YEATS2: variants seen among roughly 807,000 people sequenced by gnomAD.
YEATS2 encodes YEATS domain containing 2.
Under a neutral mutation model 163.2 loss-of-function variants are expected in YEATS2, and 77 were observed. The ratio of observed to expected loss-of-function variants is 0.47; its 90% CI spans 0.39 to 0.57. YEATS2 has a LOEUF of 0.57. Among genes scored for constraint, YEATS2 ranks in the 20% least tolerant of loss-of-function variants. The pLI, the probability that YEATS2 is intolerant of heterozygous loss-of-function variation, is 0.00. For synonymous variants in YEATS2, 631 were observed against 645.1 expected (o/e 0.98, Z 0.33); for missense variants, 1,549 against 1,729.8 (o/e 0.90, Z 1.85).
intron 11 of YEATS2, among the ~76,000 whole-genome samples, chr3:183,755,549 G>GT (rs758631276): frequency 1.3e-5 from 2 of 152,142 alleles, no homozygotes; most frequent in Non-Finnish European, 2.9e-5. Flanking sequence ...ATAAAAGACA[G>GT]TAGAGGATGT....
chr3:183,718,505 G>C lies in YEATS2; in HGVS notation c.204G>C (p.Leu68=). Residue 68 remains leucine (L), a synonymous_variant, in exon 4 of 31, where the codon CTG becomes CTC. Transcript: ENST00000305135. The part of the protein sequence containing the change: ...EHEIEVIDQR[L]IEARRMMDKL... The stretch of plus-strand genomic sequence containing the variant: ...GAGTTAACATTTGTTTTTAGCGACT[G>C]ATTGAAGCAAGAAGGATGATGGATA... 6.2e-7 allele frequency: 1 copy of C among 1,610,982 alleles called. No individual in the cohort carries two copies.
intron 6 of YEATS2, among the ~76,000 whole-genome samples, chr3:183,726,370 G>C (rs1717100038): frequency 6.6e-6 from 1 of 152,154 alleles, no homozygotes; most frequent in Non-Finnish European, 1.5e-5. Context: ...TGTAACAAAA[G>C]GTTGCTGAGC....
chr3:183,751,077 T>C (rs1403588595), intron 9 of YEATS2, among the ~76,000 whole-genome samples: 1 of 152,210 alleles, frequency 6.6e-6, no homozygotes, highest in East Asian at 1.9e-4. Flanking sequence ...GTTTTATTGT[T>C]TTAGCTTTTA....
Position 183,755,741 on chromosome 3 carries a change from CTTTT to C in YEATS2, c.1391-761_1391-758del, listed in dbSNP as rs57050296. Among the ~76,000 whole-genome samples the C allele has an allele frequency of 1.2e-3, 96 of 82,182 alleles. 2 individuals are homozygous for C. Among genetic ancestry groups the C allele is most frequent in the African/African-American group, 3.3e-3 (55 of 16,546 alleles). 53.9% of individuals were successfully genotyped at this position (82,182 alleles called of 152,430 possible). ...ACTTACTGATTTTCTTCCTTCCTTT[CTTTT>C]TTTTTTTTTTTTTTTTTTTTTTTTT... On this transcript the variant is annotated intron_variant, in intron 11 of 30. Transcript: ENST00000305135.
chr3:183,725,041 CTTTTTTTTTTTTTT>C (rs62826962), intron 6 of YEATS2, among the ~76,000 whole-genome samples: 3 of 87,504 alleles, frequency 3.4e-5, no homozygotes, highest in African/African-American at 1.3e-4. Context: ...CCGTGCCGGC[CTTTTTTTTTTTTTT>C]TTTTTTTTTA....
chr3:183,716,753 G>A (rs1434651313), intron 2 of YEATS2, among the ~76,000 whole-genome samples: 4 of 151,968 alleles, frequency 2.6e-5, no homozygotes, highest in Non-Finnish European at 5.9e-5. Flanking sequence ...TCAAGCAGGG[G>A]CAGTTTTTTG....
chr3:183,701,375 G>C (rs1006089072), intron 1 of YEATS2, among the ~76,000 whole-genome samples: 12 of 146,604 alleles, frequency 8.2e-5, no homozygotes, highest in Admixed American at 8.2e-4. Context: ...TTGAGCCACC[G>C]CGCCCGGCCG....
rs370939130 is a variant in YEATS2, at chr3:183,794,692, C to T, written c.3098-3231C>T. Among the ~76,000 whole-genome samples the T allele has an allele frequency of 1.4e-4, 21 of 152,262 alleles. 1 individual carries two copies. Among genetic ancestry groups the T allele is most frequent in the Admixed American group, 5.2e-4 (8 of 15,294 alleles). Reference sequence around the variant, plus strand: ...AGAGAGGTACAGTTTCTACTGAGTGCCTGTTGCTTTCATACCATGCCAAAG... The same window carrying T: ...AGAGAGGTACAGTTTCTACTGAGTGTCTGTTGCTTTCATACCATGCCAAAG... On this transcript the variant is annotated intron_variant, in intron 21 of 30. Transcript: ENST00000305135.
intron 1 of YEATS2, among the ~76,000 whole-genome samples, chr3:183,702,691 T>C (rs1026470266): frequency 6.6e-6 from 1 of 150,790 alleles, no homozygotes; most frequent in Non-Finnish European, 1.5e-5. Flanking sequence ...ACAAAAAAAT[T>C]AGACGTGGTG....
At chr3:183,718,137 A>G (rs1463927556) in intron 3 of YEATS2, among the ~76,000 whole-genome samples, 2 of 152,182 alleles carry the variant, frequency 1.3e-5, no homozygotes, top group Non-Finnish European at 2.9e-5. Context: ...ATTATTATGC[A>G]TTGTATGCCT....
intron 19 of YEATS2, among the ~76,000 whole-genome samples, chr3:183,782,000 A>G (rs1577181609): frequency 6.6e-6 from 1 of 152,118 alleles, no homozygotes; most frequent in East Asian, 1.9e-4. Flanking sequence ...GTGGAATTAT[A>G]TAGTATGTAG....
In YEATS2 at chr3:183,808,214, C is replaced by T. The variant is rs2290569; in HGVS notation, c.4086+110C>T. ...AAAGATAACAGGCTTTAAAATGTCTCGTCTTATTTGGGCTTAAGTTCTCTC... is the reference window on the plus strand; with the variant it reads ...AAAGATAACAGGCTTTAAAATGTCTTGTCTTATTTGGGCTTAAGTTCTCTC... On this transcript the variant is annotated intron_variant, in intron 29 of 30. Transcript: ENST00000305135. 8,276 of 877,702 alleles carry T rather than the reference C, an allele frequency of 9.4e-3. 386 individuals are homozygous for T. The East Asian group carries it at 0.13, about 14-fold the overall frequency. 54.4% of individuals were successfully genotyped at this position (877,702 alleles called of 1,614,324 possible).
At chr3:183,715,812 G>GC (rs1335355076) in intron 2 of YEATS2, among the ~76,000 whole-genome samples, 2 of 152,110 alleles carry the variant, frequency 1.3e-5, no homozygotes, top group Non-Finnish European at 2.9e-5. Context: ...CTTGTACTTA[G>GC]CTAATAGTAG....
intron 8 of YEATS2, among the ~76,000 whole-genome samples, chr3:183,746,087 G>A (rs1373418031): frequency 6.6e-6 from 1 of 151,950 alleles, no homozygotes; most frequent in Non-Finnish European, 1.5e-5. Flanking sequence ...TTTGTAGATA[G>A]GATCTCCCTT....
At chr3:183,766,036 A>G (rs1410859245) in intron 15 of YEATS2, among the ~76,000 whole-genome samples, 1 of 152,122 alleles carries the variant, frequency 6.6e-6, no homozygotes, top group Non-Finnish European at 1.5e-5. Context: ...CAACAGAAAC[A>G]CAGCTGATCT....
chr3:183,803,153 C>G (rs1304602612), intron 25 of YEATS2, 103 bp from the exon 26 acceptor site: 1 of 1,200,836 alleles, frequency 8.3e-7, no homozygotes, highest in Non-Finnish European at 1.2e-6. Context: ...AACATACATG[C>G]GATAAAGAGG....
intron 30 of YEATS2, 40 bp from the exon 31 acceptor site, chr3:183,810,435 G>C (rs1449855534): frequency 6.4e-7 from 1 of 1,553,074 alleles, no homozygotes; most frequent in Non-Finnish European, 8.9e-7. Flanking sequence ...ATATACGTGA[G>C]AGAATTTCAC....
chr3:183,781,892 C>T (rs994263343), intron 19 of YEATS2, among the ~76,000 whole-genome samples: 2 of 151,366 alleles, frequency 1.3e-5, no homozygotes, highest in Non-Finnish European at 2.9e-5. Context: ...GATAGAGCAA[C>T]ACCCTGTCTT....
At chr3:183,764,963 C>T (rs1721756149) in intron 15 of YEATS2, among the ~76,000 whole-genome samples, 1 of 152,102 alleles carries the variant, frequency 6.6e-6, no homozygotes, top group Non-Finnish European at 1.5e-5. Flanking sequence ...TTCTTGAGAT[C>T]CCTGGGAATC....
Sources: gnomAD v4.1 joint callset for allele counts (sites outside exome capture counted in the v4.1 genomes callset) on GRCh38, gnomAD v4.1.1 for gene constraint, MANE v1.5 for transcripts, NCBI Gene and HGNC (gene_info 2026-07-23, HGNC 2026-07-21) for gene names.